Variants in METTL22 observed in about 807,000 individuals in gnomAD.
METTL22 encodes methyltransferase 22, Kin17 lysine.
Under a neutral mutation model 48.4 loss-of-function variants are expected in METTL22, and 51 were observed. The observed-to-expected ratio is 1.05, with a 90% CI of 0.84 to 1.33. The LOEUF is 1.33. Among genes scored for constraint, METTL22 ranks in the 40% most tolerant of loss-of-function variants. The pLI is 0.00. For missense variants in METTL22, 678 were observed against 526.9 expected (o/e 1.29, Z -2.81); for synonymous variants, 255 against 214.1 (o/e 1.19, Z -1.67).
chr16:8,635,377 T>TA, intron 5 of METTL22, 65 bp downstream of exon 5: 1 of 1,469,024 alleles, frequency 6.8e-7, no homozygotes, highest in Non-Finnish European at 9.0e-7. Flanking sequence ...ACTGACTGTA[T>TA]AAAAAAAGAG....
At chr16:8,624,288 C>G (rs1316991465) in intron 1 of METTL22, among the ~76,000 whole-genome samples, 2 of 152,084 alleles carry the variant, frequency 1.3e-5, no homozygotes, top group Admixed American at 6.6e-5. Flanking sequence ...AATGTGTCAC[C>G]TGCATAATTT....
chr16:8,623,540 G>C (rs754821285), intron 1 of METTL22: 3 of 152,148 alleles, frequency 2.0e-5, no homozygotes, highest in Non-Finnish European at 4.4e-5. Flanking sequence ...AATCTGGTGT[G>C]GTTTTGCCAG....
chr16:8,646,027 G>GCCTGCTCCGAGGCTGAC, intron 10 of METTL22, 81 bp from the exon 11 acceptor site: 1 of 1,586,920 alleles, frequency 6.3e-7, no homozygotes, highest in Non-Finnish European at 8.6e-7. Flanking sequence ...TACTCTCCTT[G>GCCTGCTCCGAGGCTGAC]GTGAATCACT....
At chr16:8,634,918 C>G in intron 3 of METTL22, 121 bp from the exon 4 acceptor site, 7 of 1,321,114 alleles carry the variant, frequency 5.3e-6, no homozygotes. Flanking sequence ...TCTAGAACGC[C>G]TCATTCCAAC....
chr16:8,666,582 T>C, the METTL22 span, among the ~76,000 whole-genome samples: 1 of 152,134 alleles, frequency 6.6e-6, no homozygotes, highest in East Asian at 1.9e-4. Flanking sequence ...ACTCATGAAA[T>C]CTCTGAGATG....
intron 5 of METTL22, among the ~76,000 whole-genome samples, chr16:8,638,263 C>G (rs1026797328): frequency 6.6e-6 from 1 of 152,224 alleles, no homozygotes; most frequent in Admixed American, 6.5e-5. Context: ...CCGTACATGG[C>G]TCTGTGTGAC....
At position 8,648,033 on chromosome 16, in the gene METTL22, G is replaced by A. The variant is rs2056834407; in HGVS notation, c.*1890G>A. ...CATCACGTGGATGCTGGTTAGAAAT[G>A]CAACATCAGGCTGAGCATGTTGGCT... On this transcript the variant is annotated 3_prime_UTR_variant, in exon 11 of 11. Coordinates refer to ENST00000381920, the MANE Select transcript of METTL22 (RefSeq NM_024109.4). 1 of 152,240 alleles carries A rather than the reference G, an allele frequency of 6.6e-6. No homozygotes were observed. Among genetic ancestry groups the A allele is most frequent in the Admixed American group, 6.5e-5 (1 of 15,276 alleles). 9.4% of individuals were successfully genotyped at this position (152,240 alleles called of 1,614,324 possible).
chr16:8,665,683 A>G, the METTL22 span, among the ~76,000 whole-genome samples: 1 of 152,180 alleles, frequency 6.6e-6, no homozygotes, highest in African/African-American at 2.4e-5. Context: ...TCCATTAAAC[A>G]CATCCTGAGC....
chr16:8,645,426 A>G (rs1730997), intron 10 of METTL22, among the ~76,000 whole-genome samples: 150,348 of 152,258 alleles, frequency 0.99, 74,266 homozygotes, highest in Middle Eastern at 1. Context: ...GTAGCGTCAC[A>G]TGACCAAGAA....
rs375155970 is a variant in METTL22, at chr16:8,641,217, A to G, written c.826+33A>G. On this transcript the variant is annotated intron_variant, in intron 7 of 10. Coordinates refer to ENST00000381920, the MANE Select transcript of METTL22 (RefSeq NM_024109.4). ...TTTCTCTCGGACGTCCCCCAGTATG[A>G]TTCAGTGATTCCTTTGTAATACCTC... 5.4e-5 allele frequency: 87 copies of G among 1,609,528 alleles called. No homozygotes were observed. The African/African-American group carries it at 8.5e-4, about 16-fold the overall frequency.
At chr16:8,651,391 A>AAAAAAAAAAAC (rs897593005), downstream of METTL22, among the ~76,000 whole-genome samples, 9 of 150,062 alleles carry the variant, frequency 6.0e-5, no homozygotes, top group South Asian at 2.1e-4. Flanking sequence ...TGTCTCAAAA[A>AAAAAAAAAAAC]AAAAAAAAAA....
At chr16:8,663,251 TC>T in the METTL22 span, among the ~76,000 whole-genome samples, 2 of 148,798 alleles carry the variant, frequency 1.3e-5, no homozygotes, top group African/African-American at 4.9e-5. Flanking sequence ...ATCATCATCA[TC>T]TCCCTATTAT....
At chr16:8,629,321 C>G in intron 3 of METTL22, among the ~76,000 whole-genome samples, 1 of 152,220 alleles carries the variant, frequency 6.6e-6, no homozygotes, top group East Asian at 1.9e-4. Flanking sequence ...GCTTTCTTCT[C>G]TGTGCTGTGC....
rs758863986 is a variant in METTL22 at position 8,642,125 on chromosome 16, A to G, written c.827-2A>G. ...ACAAAGTGTGCTTTTGTTCTTTCTT[A>G]GATCCCAAGGTCCCCTTCAGTTGGT... On this transcript the variant is annotated splice_acceptor_variant, in intron 7 of 10. Coordinates refer to ENST00000381920, the MANE Select transcript of METTL22 (RefSeq NM_024109.4). LOFTEE classifies it high-confidence loss of function. The G allele has an allele frequency of 6.2e-7, 1 of 1,611,228 alleles. No homozygotes were observed. The highest frequency in any genetic ancestry group is 1.1e-5 in the South Asian group (1 of 91,016).
At chr16:8,658,698 C>G in the METTL22 span, among the ~76,000 whole-genome samples, 1 of 152,214 alleles carries the variant, frequency 6.6e-6, no homozygotes, top group South Asian at 2.1e-4. Flanking sequence ...ATTAACATAT[C>G]TCCGTCTTTG....
rs2056027442 is a variant in METTL22 at position 8,625,782 on chromosome 16, C to T, written c.117C>T (p.Asn39=). The part of the protein sequence containing the change: ...PNHRHLMVRL[N]SVGQPVFLSQ... ...ATAGACATCTCATGGTACGGCTGAA[C>T]AGCGTGGGGCAGCCAGGTAAGGTCC... The change falls in exon 2 of 11, where the codon AAC becomes AAT. Residue 39 remains asparagine (N), a synonymous_variant. Coordinates refer to ENST00000381920, the MANE Select transcript of METTL22 (RefSeq NM_024109.4). 1.9e-6 allele frequency: 3 copies of T among 1,614,160 alleles called. No homozygotes were observed. Among genetic ancestry groups the T allele is most frequent in the Non-Finnish European group, 1.7e-6 (2 of 1,180,012 alleles).
Position 8,644,694 on chromosome 16 carries a change from A to C in METTL22, c.1148A>C (p.Gln383Pro). The C allele has an allele frequency of 6.2e-7, 1 of 1,600,780 alleles. No individual in the cohort carries two copies. Among genetic ancestry groups the C allele is most frequent in the East Asian group, 2.3e-5 (1 of 44,300 alleles). Residue 383 changes from glutamine (Q) to proline (P), a missense_variant, in exon 10 of 11, where the codon CAG becomes CCG. Transcript: ENST00000381920. The part of the protein sequence containing the change: ...VVEPVEASFP[Q>P]LLVYERLQQL... ...GAGCCCGTGGAGGCCTCCTTCCCAC[A>C]GCTCCTGGTTTACGAGCGCCTCCAG...
intron 10 of METTL22, among the ~76,000 whole-genome samples, chr16:8,645,752 G>C (rs1014131358): frequency 1.1e-4 from 16 of 152,248 alleles, no homozygotes; most frequent in African/African-American, 3.9e-4. Flanking sequence ...CTCCAGACTG[G>C]GCAACAGAAT....
At chr16:8,641,298 C>T (rs2056609498) in intron 7 of METTL22, 114 bp downstream of exon 7, 2 of 1,014,720 alleles carry the variant, frequency 2.0e-6, no homozygotes, top group Non-Finnish European at 3.1e-6. Context: ...CTGCCACAGT[C>T]CCATCGGCGC....
Sources: gnomAD v4.1 joint callset for allele counts (sites outside exome capture counted in the v4.1 genomes callset) on GRCh38, gnomAD v4.1.1 for gene constraint, MANE v1.5 for transcripts, NCBI Gene and HGNC (gene_info 2026-07-23, HGNC 2026-07-21) for gene names.